Variants in HIP1 observed in about 807,000 individuals in gnomAD.
HIP1 encodes huntingtin interacting protein 1, also known as huntingtin-interacting protein 1.
Under a neutral mutation model 147.6 loss-of-function variants are expected in HIP1, and 65 were observed. That is an observed-to-expected ratio of 0.44 (90% CI 0.36 to 0.54). The LOEUF (loss-of-function observed/expected upper bound fraction) is 0.54, where lower values mean the gene tolerates loss of function less well. Among genes scored for constraint, HIP1 ranks in the 20% least tolerant of loss-of-function variants. The pLI, the probability that HIP1 is intolerant of heterozygous loss-of-function variation, is 0.00. For missense variants in HIP1, 1,061 were observed against 1,299.6 expected (o/e 0.82, Z 2.82); for synonymous variants, 479 against 504.0 (o/e 0.95, Z 0.67).
intron 1 of HIP1, among the ~76,000 whole-genome samples, chr7:75,730,910 T>A (rs930337869): frequency 1.7e-4 from 25 of 150,916 alleles, no homozygotes; most frequent in Admixed American, 4.6e-4. Context: ...AATTTTTATA[T>A]TTTTAGTAGA....
At chr7:75,666,842 G>A (rs1799575660) in intron 1 of HIP1, among the ~76,000 whole-genome samples, 1 of 152,192 alleles carries the variant, frequency 6.6e-6, no homozygotes, top group Non-Finnish European at 1.5e-5. Flanking sequence ...ACCTACCAGA[G>A]CGTTTTGTTC....
chr7:75,598,420 C>T (rs1355603318), intron 2 of HIP1, among the ~76,000 whole-genome samples: 1 of 142,560 alleles, frequency 7.0e-6, no homozygotes, highest in Non-Finnish European at 1.6e-5. Flanking sequence ...AAAAAAAACT[C>T]TCTTTTTCTT....
chr7:75,731,494 A>C (rs1801837437), intron 1 of HIP1, among the ~76,000 whole-genome samples: 1 of 151,392 alleles, frequency 6.6e-6, no homozygotes, highest in Non-Finnish European at 1.5e-5. Flanking sequence ...AAAAAAAAAA[A>C]AAAAACGCCA....
intron 11 of HIP1, 37 bp downstream of exon 11, chr7:75,562,898 G>C: frequency 6.2e-7 from 1 of 1,611,102 alleles, no homozygotes; most frequent in Middle Eastern, 1.7e-4. Context: ...TTGCAGGTGA[G>C]AGGAAAGGCC....
chr7:75,583,474 G>T (rs1360985859), intron 5 of HIP1, among the ~76,000 whole-genome samples: 2 of 152,110 alleles, frequency 1.3e-5, no homozygotes, highest in Non-Finnish European at 2.9e-5. Context: ...TTCAGTTCTC[G>T]AGGCCAGGGA....
At chr7:75,653,160 A>C (rs1438549041) in intron 1 of HIP1, among the ~76,000 whole-genome samples, 2 of 151,962 alleles carry the variant, frequency 1.3e-5, no homozygotes, top group South Asian at 2.1e-4. Context: ...AAAAAAAAAA[A>C]CAAATTTGAT....
At chr7:75,578,452 C>T (rs183239278) in intron 7 of HIP1, among the ~76,000 whole-genome samples, 1 of 152,212 alleles carries the variant, frequency 6.6e-6, no homozygotes, top group Admixed American at 6.5e-5. Flanking sequence ...AAGGCAGGCA[C>T]ATCACTTGAG....
At chr7:75,621,328 G>A (rs1797841159) in intron 1 of HIP1, among the ~76,000 whole-genome samples, 2 of 152,182 alleles carry the variant, frequency 1.3e-5, no homozygotes, top group Non-Finnish European at 1.5e-5. Flanking sequence ...GGAAGTCAGG[G>A]GCAGGAGGGG....
intron 1 of HIP1, among the ~76,000 whole-genome samples, chr7:75,654,955 C>G (rs1799102829): frequency 6.6e-6 from 1 of 152,044 alleles, no homozygotes; most frequent in Non-Finnish European, 1.5e-5. Context: ...TTCAAGACAG[C>G]CTGGATAACA....
chr7:75,606,237 G>A (rs1345797875), intron 1 of HIP1, among the ~76,000 whole-genome samples: 14 of 152,164 alleles, frequency 9.2e-5, no homozygotes. Context: ...AATGTGAGCT[G>A]TAAAACGAGC....
chr7:75,638,168 G>T (rs1798508970), intron 1 of HIP1, among the ~76,000 whole-genome samples: 2 of 151,662 alleles, frequency 1.3e-5, no homozygotes, highest in African/African-American at 4.8e-5. Flanking sequence ...GGGTCAGGGT[G>T]ATTGAGATGG....
At chr7:75,566,630 T>G (rs1795412610) in intron 9 of HIP1, among the ~76,000 whole-genome samples, 1 of 151,388 alleles carries the variant, frequency 6.6e-6, no homozygotes, top group Non-Finnish European at 1.5e-5. Flanking sequence ...GCCCTTTCCC[T>G]GTTTTACTTG....
intron 1 of HIP1, among the ~76,000 whole-genome samples, chr7:75,706,380 T>C (rs539217510): frequency 6.6e-6 from 1 of 152,010 alleles, no homozygotes; most frequent in Non-Finnish European, 1.5e-5. Context: ...GGGTGAGAGG[T>C]GGTATCTCAC....
intron 1 of HIP1, among the ~76,000 whole-genome samples, chr7:75,682,956 T>G (rs2117275618): frequency 6.6e-6 from 1 of 152,154 alleles, no homozygotes; most frequent in East Asian, 1.9e-4. Flanking sequence ...GGATTTAAAT[T>G]ACCTGCAAGA....
At chr7:75,721,548 T>C (rs1303340033) in intron 1 of HIP1, among the ~76,000 whole-genome samples, 2 of 151,964 alleles carry the variant, frequency 1.3e-5, no homozygotes, top group Non-Finnish European at 2.9e-5. Context: ...AAAAAAGTTT[T>C]TCTGGAGAAT....
chr7:75,533,965 G>C lies in HIP1; in HGVS notation c.*4207C>G. On this transcript the variant is annotated 3_prime_UTR_variant, in exon 31 of 31. Transcript: ENST00000336926. Reference sequence around the variant, plus strand: ...TGCTTGGAAAGCCAATGTTGGAACTGGAGGCTTTCCCTGGCAGGATTTCCA... The same window carrying C: ...TGCTTGGAAAGCCAATGTTGGAACTCGAGGCTTTCCCTGGCAGGATTTCCA... 4.3e-6 allele frequency: 1 copy of C among 232,498 alleles called. No homozygotes were observed. The highest frequency in any genetic ancestry group is 8.5e-6 in the Non-Finnish European group (1 of 117,624). 14.4% of individuals were successfully genotyped at this position (232,498 alleles called of 1,614,324 possible).
chr7:75,606,166 A>AGGAGC (rs1584870568), intron 1 of HIP1, among the ~76,000 whole-genome samples: 2 of 152,180 alleles, frequency 1.3e-5, no homozygotes, highest in South Asian at 2.1e-4. Context: ...ATTTAATAGC[A>AGGAGC]TAAAAGTACA....
In HIP1 at chr7:75,595,251, TCTTCCTTCCTTCCTTC is replaced by T. The variant is rs1554501696; in HGVS notation, c.185-2753_185-2738del. 2.9e-4 allele frequency among the ~76,000 whole-genome samples: 17 copies of T among 59,540 alleles called. 1 individual carries two copies. Among genetic ancestry groups the T allele is most frequent in the African/African-American group, 1.4e-3 (16 of 11,568 alleles). The allele number at this position is 59,540 out of a possible 152,430, so 39.1% of individuals were successfully genotyped here. The stretch of plus-strand genomic sequence containing the variant: ...TTCTTTCTTTCTTTCTTTCTTTCTT[TCTTCCTTCCTTCCTTC>T]CTTCCTTCCTTCCTTCCTTTCTTTC... On this transcript the variant is annotated intron_variant, in intron 2 of 30. Transcript: ENST00000336926.
At chr7:75,639,386 T>G (rs1798564382) in intron 1 of HIP1, among the ~76,000 whole-genome samples, 2 of 149,198 alleles carry the variant, frequency 1.3e-5, no homozygotes, top group South Asian at 4.2e-4. Flanking sequence ...AATCCCGGAA[T>G]CAGCTGGCGG....
Sources: allele counts gnomAD v4.1 joint callset (sites outside exome capture counted in the v4.1 genomes callset), GRCh38; gene constraint gnomAD v4.1.1; transcripts MANE v1.5; gene names NCBI Gene and HGNC (gene_info 2026-07-23, HGNC 2026-07-21).